MS4A10: variants seen among roughly 807,000 people sequenced by gnomAD.
MS4A10 encodes the protein membrane spanning 4-domains A10, also known as membrane-spanning 4-domains subfamily A member 10.
Under a neutral mutation model 27.7 loss-of-function variants are expected in MS4A10, and 27 were observed. The observed-to-expected ratio is 0.98, with a 90% CI of 0.72 to 1.35. The LOEUF (loss-of-function observed/expected upper bound fraction) is 1.35. MS4A10 is among the 40% of genes most tolerant of loss of function. The pLI, the probability that MS4A10 is intolerant of heterozygous loss-of-function variation, is 0.00. For synonymous variants in MS4A10, 139 were observed against 131.2 expected (o/e 1.06, Z -0.41); for missense variants, 338 against 324.7 (o/e 1.04, Z -0.32).
chr11:60,793,779 C>A (rs532757886), intron 4 of MS4A10, among the ~76,000 whole-genome samples, 193 bp from the exon 5 acceptor site: 1 of 152,186 alleles, frequency 6.6e-6, no homozygotes, highest in African/African-American at 2.4e-5. Flanking sequence ...CCTCAGTGGT[C>A]ACACAGGAGC....
Position 60,795,072 on chromosome 11 carries a change from G to A in MS4A10, c.493-483G>A, listed in dbSNP as rs556575632. 2.6e-5 allele frequency among the ~76,000 whole-genome samples: 4 copies of A among 152,196 alleles called. No homozygotes were observed. In the East Asian group the frequency reaches 5.8e-4, roughly 22 times the overall value. On this transcript the variant is annotated intron_variant, in intron 5 of 7. Transcript: ENST00000308287. ...ACACATGCACATCACATGCATGTGC[G>A]AGCATGCATGGACACACATGTGCGT...
At chr11:60,799,333 T>A (rs1472071339) in intron 7 of MS4A10, among the ~76,000 whole-genome samples, 3 of 152,206 alleles carry the variant, frequency 2.0e-5, no homozygotes, top group Non-Finnish European at 4.4e-5. Context: ...ATTTCAGTCA[T>A]CTGAGGAATA....
At position 60,790,449 on chromosome 11, in the gene MS4A10, G is replaced by A. The variant is rs1219927140; in HGVS notation, c.114G>A (p.Gln38=). The stretch of plus-strand genomic sequence containing the variant: ...CAAGTGCACCCCAGAACACGACCCA[G>A]CCCAAGCTCCTGGCTCCACACCAGC... The part of the protein sequence containing the change: ...WQTSAPQNTT[Q]PKLLAPHQHE... The change falls in exon 2 of 8, where the codon CAG becomes CAA. Residue 38 remains glutamine (Q), a synonymous_variant. Transcript: ENST00000308287. The A allele has an allele frequency of 1.2e-6, 2 of 1,614,168 alleles. No individual in the cohort carries two copies. Among genetic ancestry groups the A allele is most frequent in the South Asian group, 2.2e-5 (2 of 91,080 alleles).
intron 1 of MS4A10, among the ~76,000 whole-genome samples, chr11:60,786,051 T>A (rs1230581358): frequency 6.6e-6 from 1 of 152,016 alleles, no homozygotes; most frequent in African/African-American, 2.4e-5. Context: ...ACGCTGATCC[T>A]CTAAGGCACC....
rs541210820 is a variant in MS4A10, at chr11:60,800,969, T to A, written c.*1060T>A. 4 of 152,192 alleles carry A rather than the reference T, an allele frequency of 2.6e-5. No individual in the cohort carries two copies. The East Asian group carries it at 7.7e-4, about 29-fold the overall frequency. 9.4% of individuals were successfully genotyped at this position (152,192 alleles called of 1,614,324 possible). On this transcript the variant is annotated 3_prime_UTR_variant, in exon 8 of 8. Transcript: ENST00000308287. Reference sequence around the variant, plus strand: ...CCACCACGCCTGGCTACTTTTTGTATTTTTAGTAGAGACAGGGTTTCACCA... The same window carrying A: ...CCACCACGCCTGGCTACTTTTTGTAATTTTAGTAGAGACAGGGTTTCACCA...
chr11:60,796,829 T>A (rs1854541830), intron 6 of MS4A10, among the ~76,000 whole-genome samples: 1 of 151,980 alleles, frequency 6.6e-6, no homozygotes, highest in Non-Finnish European at 1.5e-5. Context: ...AGGATAAGGA[T>A]GTTTTATAAA....
intron 7 of MS4A10, among the ~76,000 whole-genome samples, chr11:60,798,807 G>A (rs532965926): frequency 9.7e-4 from 148 of 152,336 alleles, no homozygotes; most frequent in Non-Finnish European, 1.8e-3. Flanking sequence ...TTCCCTGCCA[G>A]CCTCCAGAGC....
chr11:60,786,067 C>T (rs1332769377), intron 1 of MS4A10, among the ~76,000 whole-genome samples: 4 of 152,124 alleles, frequency 2.6e-5, no homozygotes, highest in Non-Finnish European at 4.4e-5. Flanking sequence ...GCACCCCACC[C>T]CCAACACCAG....
In MS4A10 at chr11:60,799,971, G is replaced by T; in HGVS notation, c.*62G>T. 8 of 1,611,658 alleles carry T rather than the reference G, an allele frequency of 5.0e-6. No homozygotes were observed. Among genetic ancestry groups the T allele is most frequent in the East Asian group, 2.2e-5 (1 of 44,820 alleles). On this transcript the variant is annotated 3_prime_UTR_variant, in exon 8 of 8. Coordinates refer to ENST00000308287, the MANE Select transcript of MS4A10 (RefSeq NM_206893.4). ...GCATAGCCCCTGCTCTCCCAAAGTT[G>T]CACTTTCACTGGGAAGATGAGATTT...
Position 60,799,858 on chromosome 11 carries a change from C to A in MS4A10, c.753C>A (p.Asp251Glu). 6.3e-7 allele frequency: 1 copy of A among 1,595,356 alleles called. No individual in the cohort carries two copies. Among genetic ancestry groups the A allele is most frequent in the Non-Finnish European group, 8.6e-7 (1 of 1,163,552 alleles). Reference sequence around the variant, plus strand: ...GAGAAGTTAAGCAAGTTGCCCCGGACACATGGATAGTCACTGACGGAGCTG... The same window carrying A: ...GAGAAGTTAAGCAAGTTGCCCCGGAAACATGGATAGTCACTGACGGAGCTG... Reference protein sequence around the residue: ...RLREVKQVAPDTWIVTDGAAI... With the variant: ...RLREVKQVAPETWIVTDGAAI... The change falls in exon 8 of 8, where the codon GAC becomes GAA. Residue 251 changes from aspartate to glutamate, a missense_variant. Coordinates refer to ENST00000308287, the MANE Select transcript of MS4A10 (RefSeq NM_206893.4).
At position 60,792,256 on chromosome 11, in the gene MS4A10, G is replaced by A. The variant is rs1376318125; in HGVS notation, c.304-9G>A. ...CTTCTCTCCTTTGACTTTCAAATCT[G>A]TCCTGCAGTTTCTCATTTCAGGGAT... On this transcript the variant is annotated splice_polypyrimidine_tract_variant and intron_variant, in intron 3 of 7. Coordinates refer to ENST00000308287, the MANE Select transcript of MS4A10 (RefSeq NM_206893.4). 6.2e-7 allele frequency: 1 copy of A among 1,612,756 alleles called. No individual in the cohort carries two copies.
At position 60,791,065 on chromosome 11, in the gene MS4A10, C is replaced by G; in HGVS notation, c.275C>G (p.Ser92Cys). 6.2e-7 allele frequency: 1 copy of G among 1,614,138 alleles called. No individual in the cohort carries two copies. The highest frequency in any genetic ancestry group is 8.5e-7 in the Non-Finnish European group (1 of 1,180,010). Residue 92 changes from serine to cysteine, a missense_variant, in exon 3 of 8, where the codon TCT becomes TGT. Physicochemically the swap from Ser to Cys is moderately radical, Grantham distance 112 (BLOSUM62 -1). Transcript: ENST00000308287. ...VKNLHLVVLK[S>C]WYPFWGAASF... The stretch of plus-strand genomic sequence containing the variant: ...AACCTTCACCTGGTGGTGCTGAAGT[C>G]TTGGTATCCATTCTGGGGGGCTGCC...
At chr11:60,797,873 C>T (rs1166599165) in intron 6 of MS4A10, among the ~76,000 whole-genome samples, 1 of 152,248 alleles carries the variant, frequency 6.6e-6, no homozygotes, top group Non-Finnish European at 1.5e-5. Context: ...CATGGTCTCA[C>T]AGCCAGTAAG....
intron 2 of MS4A10, among the ~76,000 whole-genome samples, chr11:60,790,752 G>C (rs1030223763): frequency 6.6e-6 from 1 of 152,238 alleles, no homozygotes; most frequent in Non-Finnish European, 1.5e-5. Context: ...GCAGAAGGCT[G>C]CCAGCTCCAG....
intron 1 of MS4A10, among the ~76,000 whole-genome samples, chr11:60,786,874 G>T (rs1432992389): frequency 1.3e-5 from 2 of 152,230 alleles, no homozygotes; most frequent in Admixed American, 6.5e-5. Context: ...CACTCCCCAT[G>T]AGAAGGTGAG....
chr11:60,797,525 C>T (rs1051575904), intron 6 of MS4A10, among the ~76,000 whole-genome samples: 2 of 152,250 alleles, frequency 1.3e-5, no homozygotes, highest in Non-Finnish European at 2.9e-5. Flanking sequence ...GCTTGTGGCT[C>T]CTTCTTCCAC....
intron 4 of MS4A10, 106 bp downstream of exon 4, chr11:60,792,427 C>T: frequency 1.2e-6 from 1 of 862,366 alleles, no homozygotes; most frequent in Non-Finnish European, 2.0e-6. Flanking sequence ...CCAGGACTTG[C>T]TAAGAGCAGG....
intron 6 of MS4A10, 87 bp from the exon 7 acceptor site, chr11:60,798,309 C>T (rs1854565522): frequency 9.6e-7 from 1 of 1,038,562 alleles, no homozygotes; most frequent in South Asian, 1.4e-5. Flanking sequence ...CTTGAGTCTT[C>T]AGAAGTGAAC....
intron 4 of MS4A10, 136 bp from the exon 5 acceptor site, chr11:60,793,836 A>G: frequency 2.1e-6 from 2 of 949,498 alleles, no homozygotes; most frequent in South Asian, 1.6e-5. Context: ...AGTGACAGGC[A>G]GAGGGGGCCT....
Sources: gnomAD v4.1 joint callset for allele counts (sites outside exome capture counted in the v4.1 genomes callset) on GRCh38, gnomAD v4.1.1 for gene constraint, MANE v1.5 for transcripts, NCBI Gene and HGNC (gene_info 2026-07-23, HGNC 2026-07-21) for gene names.